PFDN1: variants seen among roughly 807,000 people sequenced by gnomAD.
The protein encoded by PFDN1 is prefoldin 1.
Under a neutral mutation model 17.3 loss-of-function variants are expected in PFDN1, and 6 were observed. The observed-to-expected ratio is 0.35, with a 90% CI of 0.19 to 0.69. The LOEUF (loss-of-function observed/expected upper bound fraction) is 0.69. PFDN1 is among the 30% of genes least tolerant of loss of function. PFDN1 has a pLI of 0.65. For missense variants in PFDN1, 113 were observed against 146.2 expected, an observed-to-expected ratio of 0.77 and a Z score of 1.17; for synonymous variants, 58 against 50.1, an observed-to-expected ratio of 1.16 and a Z score of -0.67.
intron 2 of PFDN1, among the ~76,000 whole-genome samples, chr5:140,285,096 G>A (rs537732513): frequency 9.2e-5 from 14 of 152,306 alleles, no homozygotes; most frequent in African/African-American, 2.9e-4. Context: ...TGGTCACCTA[G>A]ACATATGCTA....
chr5:140,272,647 C>A (rs1419062150), intron 3 of PFDN1, among the ~76,000 whole-genome samples: 1 of 152,116 alleles, frequency 6.6e-6, no homozygotes, highest in Non-Finnish European at 1.5e-5. Context: ...CATGAGCCAC[C>A]ATGCCCGGCT....
intron 2 of PFDN1, among the ~76,000 whole-genome samples, chr5:140,283,060 A>G (rs1274243272): frequency 6.6e-6 from 1 of 152,234 alleles, no homozygotes; most frequent in Non-Finnish European, 1.5e-5. Context: ...TATTATAGAT[A>G]TAAGACAAGT....
chr5:140,300,097 TG>T (rs1405305108), intron 2 of PFDN1, among the ~76,000 whole-genome samples: 1 of 151,582 alleles, frequency 6.6e-6, no homozygotes, highest in African/African-American at 2.4e-5. Flanking sequence ...TGGAGTGCAG[TG>T]GCATGATTTC....
Position 140,245,989 on chromosome 5 carries a change from T to G in PFDN1, c.354A>C (p.Ala118=). The G allele has an allele frequency of 1.3e-6, 2 of 1,557,462 alleles. No individual in the cohort carries two copies. The highest frequency in any genetic ancestry group is 1.7e-6 in the Non-Finnish European group (2 of 1,148,688). ...GAGAGGCTCCCTACTGGGCCCTTCG[T>G]GCCATCAGCATCTCCCGGATGTTGT... ...AEDNIREMLM[A]RRAQ The change falls in exon 4 of 4, where the codon GCA becomes GCC. Residue 118 remains alanine, a synonymous_variant. Coordinates refer to ENST00000261813, the MANE Select transcript of PFDN1 (RefSeq NM_002622.5).
intron 3 of PFDN1, among the ~76,000 whole-genome samples, chr5:140,252,825 C>T (rs370204723): frequency 5.3e-5 from 8 of 152,314 alleles, no homozygotes; most frequent in South Asian, 2.1e-4. Context: ...AGCATGGCCA[C>T]GGCTGCAGCA....
intron 3 of PFDN1, among the ~76,000 whole-genome samples, chr5:140,278,570 A>AG (rs1765338250): frequency 6.7e-6 from 1 of 150,080 alleles, no homozygotes; most frequent in African/African-American, 2.4e-5. Context: ...AAAAAAAAAA[A>AG]AAAAAAAAAA....
At chr5:140,253,202 T>C (rs1764939945) in intron 3 of PFDN1, among the ~76,000 whole-genome samples, 1 of 152,226 alleles carries the variant, frequency 6.6e-6, no homozygotes, top group African/African-American at 2.4e-5. Context: ...GAGGTCTTTC[T>C]GCTGAAGGAC....
rs1158743675 is a variant in PFDN1 at position 140,245,323 on chromosome 5, C to T, written c.*651G>A. 1.6e-6 allele frequency: 1 copy of T among 621,016 alleles called. No homozygotes were observed. The highest frequency in any genetic ancestry group is 2.9e-6 in the Non-Finnish European group (1 of 344,700). The allele number at this position is 621,016 out of a possible 1,614,324, so 38.5% of individuals were successfully genotyped here. A position where few individuals can be genotyped will look rare whatever the true frequency, so the allele number is the denominator to read the frequency against. On this transcript the variant is annotated 3_prime_UTR_variant, in exon 4 of 4. Transcript: ENST00000261813. ...CTTGGAGGTGCTGCTTACTGTTGAA[C>T]TTCCTTTTGGAATGTATGGGAGAAG...
intron 3 of PFDN1, among the ~76,000 whole-genome samples, chr5:140,256,658 C>CAAAAAA (rs757723797): frequency 4.8e-4 from 19 of 39,892 alleles, no homozygotes; most frequent in African/African-American, 7.1e-4. Flanking sequence ...CAAAAAATGA[C>CAAAAAA]AAAAAAAAAA....
intron 2 of PFDN1, among the ~76,000 whole-genome samples, chr5:140,290,616 C>T (rs1448102370): frequency 6.6e-6 from 1 of 152,050 alleles, no homozygotes; most frequent in East Asian, 1.9e-4. Context: ...AATTAATTTA[C>T]GGTCATAGAA....
intron 3 of PFDN1, among the ~76,000 whole-genome samples, chr5:140,250,342 T>C (rs1451188575): frequency 6.6e-6 from 1 of 152,172 alleles, no homozygotes; most frequent in Non-Finnish European, 1.5e-5. Context: ...TGCCTGGCCT[T>C]TGCCCTTCGC....
chr5:140,253,004 G>A (rs1178896397), intron 3 of PFDN1, among the ~76,000 whole-genome samples: 1 of 152,190 alleles, frequency 6.6e-6, no homozygotes, highest in Non-Finnish European at 1.5e-5. Flanking sequence ...CTTCACCAGA[G>A]GACACAGCTA....
chr5:140,280,014 C>CCAAAAA (rs1335205089), intron 3 of PFDN1, among the ~76,000 whole-genome samples: 4 of 99,114 alleles, frequency 4.0e-5, no homozygotes, highest in South Asian at 2.7e-4. Context: ...AAAAAAAAAA[C>CCAAAAA]AAAAAAAGAA....
intron 3 of PFDN1, among the ~76,000 whole-genome samples, chr5:140,276,015 T>TTGATGATGA (rs57224353): frequency 2.6e-4 from 39 of 149,376 alleles, no homozygotes; most frequent in East Asian, 1.4e-3. Context: ...AGAAGAGAAA[T>TTGATGATGA]TGATGATGAT....
chr5:140,279,700 G>A (rs1765360270), intron 3 of PFDN1, among the ~76,000 whole-genome samples: 1 of 151,790 alleles, frequency 6.6e-6, no homozygotes, highest in African/African-American at 2.4e-5. Context: ...TTATTACAGA[G>A]ATTGTAAGAA....
At chr5:140,259,488 G>A (rs547643975) in intron 3 of PFDN1, among the ~76,000 whole-genome samples, 20 of 152,194 alleles carry the variant, frequency 1.3e-4, no homozygotes, top group African/African-American at 3.6e-4. Context: ...TCAATAAGAC[G>A]GACTAGAGGA....
intron 1 of PFDN1, 133 bp downstream of exon 1, chr5:140,302,908 C>G (rs991430419): frequency 2.6e-6 from 2 of 770,014 alleles, no homozygotes; most frequent in Non-Finnish European, 4.7e-6. Context: ...GGCCTTAGGA[C>G]TCTGGGAAAC....
At chr5:140,251,171 A>G (rs1203758738) in intron 3 of PFDN1, among the ~76,000 whole-genome samples, 1 of 152,094 alleles carries the variant, frequency 6.6e-6, no homozygotes, top group Non-Finnish European at 1.5e-5. Context: ...CCTGGCCTCA[A>G]ATGATCCACC....
Position 140,280,017 on chromosome 5 carries a change from A to G in PFDN1, c.285+1432T>C, listed in dbSNP as rs1334973961. On this transcript the variant is annotated intron_variant, in intron 3 of 3. Coordinates refer to ENST00000261813, the MANE Select transcript of PFDN1 (RefSeq NM_002622.5). ...TCTCAAAAAAAAAAAAAAAAAACAA[A>G]AAAAGAAAAGAAAAGAAAAGAAAGA... Among the ~76,000 whole-genome samples the G allele has an allele frequency of 1.8e-4, 26 of 145,612 alleles. 1 individual carries two copies. The highest frequency in any genetic ancestry group is 3.6e-4 in the African/African-American group (14 of 39,262).
Sources: gnomAD v4.1 joint callset for allele counts (sites outside exome capture counted in the v4.1 genomes callset) on GRCh38, gnomAD v4.1.1 for gene constraint, MANE v1.5 for transcripts, NCBI Gene and HGNC (gene_info 2026-07-23, HGNC 2026-07-21) for gene names.